Variants in RTN1 observed in about 807,000 individuals in gnomAD.
The protein encoded by RTN1 is reticulon 1, also known as reticulon-1.
Under a neutral mutation model 65.5 loss-of-function variants are expected in RTN1, and 25 were observed. The ratio of observed to expected loss-of-function variants is 0.38; its 90% confidence interval spans 0.28 to 0.53. The LOEUF (loss-of-function observed/expected upper bound fraction) is 0.53. RTN1 is among the 20% of genes least tolerant of loss of function. The pLI, the probability that RTN1 is intolerant of heterozygous loss-of-function variation, is 0.79. For missense variants in RTN1, 983 were observed against 1,025.4 expected (o/e 0.96, Z 0.57); for synonymous variants, 471 against 447.6 (o/e 1.05, Z -0.66).
intron 1 of RTN1, among the ~76,000 whole-genome samples, chr14:59,796,247 G>A (rs893565352): frequency 6.6e-6 from 1 of 152,134 alleles, no homozygotes; most frequent in African/African-American, 2.4e-5. Context: ...AATAGGCTAT[G>A]TCATATAGCC....
At chr14:59,683,280 A>G (rs548309187) in intron 3 of RTN1, among the ~76,000 whole-genome samples, 1 of 152,272 alleles carries the variant, frequency 6.6e-6, no homozygotes, top group South Asian at 2.1e-4. Context: ...ATATTTCCAA[A>G]TCATCCTGGG....
chr14:59,727,041 G>A lies in RTN1; in HGVS notation c.1643C>T (p.Pro548Leu). ...TTCTTCAGGCTTCCGTGGCAACATG[G>A]GCGTCTCAGGCTCCAGGGCTCCGTC... ...PGDGALEPETPMLPRKPEEDS... is the reference protein window; with the variant it reads ...PGDGALEPETLMLPRKPEEDS... The change falls in exon 3 of 9, where the codon CCC (proline) becomes CTC (leucine). Residue 548 changes from proline (P) to leucine (L), a missense_variant. Transcript: ENST00000267484. The surrounding 1 kb of genome is among the most constrained non-coding windows in gnomAD (Gnocchi z 4.2). The A allele has an allele frequency of 6.2e-7, 1 of 1,613,384 alleles. No homozygotes were observed. The highest frequency in any genetic ancestry group is 8.5e-7 in the Non-Finnish European group (1 of 1,179,704).
At chr14:59,798,249 T>C (rs1012488603) in intron 1 of RTN1, among the ~76,000 whole-genome samples, 3 of 152,172 alleles carry the variant, frequency 2.0e-5, no homozygotes, top group African/African-American at 7.2e-5. Context: ...TGGAGGTATA[T>C]GCCTCAGAGT....
At chr14:59,756,547 G>C (rs1354334568) in intron 1 of RTN1, among the ~76,000 whole-genome samples, 1 of 152,036 alleles carries the variant, frequency 6.6e-6, no homozygotes, top group East Asian at 1.9e-4. Flanking sequence ...CAATCAGAGA[G>C]GGCTCTAAAT....
intron 1 of RTN1, among the ~76,000 whole-genome samples, chr14:59,823,042 G>C (rs1378690334): frequency 2.6e-5 from 4 of 152,038 alleles, no homozygotes; most frequent in African/African-American, 9.7e-5. Context: ...TCGTGTTTAG[G>C]TCCCAAATAT....
intron 1 of RTN1, among the ~76,000 whole-genome samples, chr14:59,852,173 T>C (rs1887520910): frequency 6.6e-6 from 1 of 152,182 alleles, no homozygotes; most frequent in Non-Finnish European, 1.5e-5. Context: ...CTCCAAATTT[T>C]CTACGTATAA....
chr14:59,739,067 G>A (rs187275213), intron 2 of RTN1, among the ~76,000 whole-genome samples: 7 of 152,102 alleles, frequency 4.6e-5, no homozygotes, highest in African/African-American at 1.4e-4. Flanking sequence ...TAACTCCTAT[G>A]TGATGGAATG....
chr14:59,734,887 C>T lies in RTN1; in HGVS notation c.1016-7219G>A, dbSNP rs945844722. Among the ~76,000 whole-genome samples, 6 of 152,160 alleles carry T rather than the reference C, an allele frequency of 3.9e-5. No homozygotes were observed. In the South Asian group the frequency reaches 6.3e-4, roughly 16 times the overall value. ...ACTCAAATTCAAGAAATGCAGAGAA[C>T]CCCAGCAAGATAATCAATGAAAAGA... On this transcript the variant is annotated intron_variant, in intron 2 of 8. Transcript: ENST00000267484.
At chr14:59,670,327 CT>C in intron 3 of RTN1, among the ~76,000 whole-genome samples, 2 of 152,160 alleles carry the variant, frequency 1.3e-5, no homozygotes, top group African/African-American at 4.8e-5. Flanking sequence ...CCACTCTTAA[CT>C]TATATAGAAG....
intron 3 of RTN1, among the ~76,000 whole-genome samples, chr14:59,664,254 G>C (rs955693772): frequency 7.9e-5 from 12 of 152,232 alleles, no homozygotes; most frequent in Admixed American, 7.2e-4. Context: ...ACTCATAAGT[G>C]GGAGTTGAAC....
intron 3 of RTN1, among the ~76,000 whole-genome samples, chr14:59,639,925 A>G (rs1327990462): frequency 6.6e-6 from 1 of 152,202 alleles, no homozygotes; most frequent in Non-Finnish European, 1.5e-5. Context: ...ATTTGGATTC[A>G]ATATGCTAAT....
chr14:59,672,619 A>ACAT, intron 3 of RTN1, among the ~76,000 whole-genome samples: 1 of 131,472 alleles, frequency 7.6e-6, no homozygotes, highest in African/African-American at 2.9e-5. Flanking sequence ...TGAATACAAG[A>ACAT]TATTTCTTTT....
chr14:59,695,600 C>A (rs1884046902), intron 3 of RTN1, among the ~76,000 whole-genome samples: 1 of 152,150 alleles, frequency 6.6e-6, no homozygotes. Flanking sequence ...ATGTATTGTA[C>A]AGAAGAAAGA....
intron 1 of RTN1, among the ~76,000 whole-genome samples, chr14:59,784,539 C>T (rs1886218180): frequency 6.6e-6 from 1 of 151,806 alleles, no homozygotes; most frequent in African/African-American, 2.4e-5. Flanking sequence ...GTCAAATCTA[C>T]AGATTTTTGC....
In RTN1 at chr14:59,749,733, TTA is replaced by T. The variant is rs1326624148; in HGVS notation, c.242-3254_242-3253del. ...TCTATATATTTATATATCTATATAT[TTA>T]TATATATATCTATATGTATATTTAT... On this transcript the variant is annotated intron_variant, in intron 1 of 8. Coordinates refer to ENST00000267484, the MANE Select transcript of RTN1 (RefSeq NM_021136.3). Among the ~76,000 whole-genome samples, 195 of 26,792 alleles carry T rather than the reference TTA, an allele frequency of 7.3e-3. 24 individuals carry two copies. Among genetic ancestry groups the T allele is most frequent in the African/African-American group, 0.012 (39 of 3,346 alleles). 17.6% of individuals were successfully genotyped at this position (26,792 alleles called of 152,430 possible).
rs1345665820 is a variant in RTN1 at position 59,606,125 on chromosome 14, T to TATATATATATATATATAA, written c.1974-620_1974-619insTTATATATATATATATAT. On this transcript the variant is annotated intron_variant, in intron 4 of 8. Transcript: ENST00000267484. ...CATGATATATATATATATATATATA[T>TATATATATATATATATAA]ATCATACCAGCTTAAGCCTCCTCTG... 8.7e-4 allele frequency: 97 copies of TATATATATATATATATAA among 111,468 alleles called. 5 individuals are homozygous for TATATATATATATATATAA. Among genetic ancestry groups the TATATATATATATATATAA allele is most frequent in the African/African-American group, 3.6e-3 (95 of 26,064 alleles). The allele number at this position is 111,468 out of a possible 1,614,324, so 6.9% of individuals were successfully genotyped here. A position where few individuals can be genotyped will look rare whatever the true frequency, so the allele number is the denominator to read the frequency against.
At chr14:59,856,065 C>T (rs1222578121) in intron 1 of RTN1, among the ~76,000 whole-genome samples, 2 of 152,090 alleles carry the variant, frequency 1.3e-5, no homozygotes, top group Non-Finnish European at 1.5e-5. Flanking sequence ...TCTCCAGTAT[C>T]CAGCCTGAGA....
intron 1 of RTN1, among the ~76,000 whole-genome samples, chr14:59,826,653 T>C (rs1475361275): frequency 6.6e-6 from 1 of 152,252 alleles, no homozygotes; most frequent in Non-Finnish European, 1.5e-5. Flanking sequence ...CAAATGTTTT[T>C]AGCCAGAAAT....
At chr14:59,786,968 T>C (rs1886260943) in intron 1 of RTN1, among the ~76,000 whole-genome samples, 1 of 152,124 alleles carries the variant, frequency 6.6e-6, no homozygotes, top group African/African-American at 2.4e-5. Flanking sequence ...CAATCAGAAA[T>C]TATTTGAGAA....
Sources: allele counts gnomAD v4.1 joint callset (sites outside exome capture counted in the v4.1 genomes callset), GRCh38; gene constraint gnomAD v4.1.1; non-coding constraint Gnocchi (gnomAD v3.1); transcripts MANE v1.5; gene names NCBI Gene and HGNC (gene_info 2026-07-23, HGNC 2026-07-21).